PARD3: variants seen among roughly 807,000 people sequenced by gnomAD.
PARD3 encodes the protein par-3 family cell polarity regulator, also known as partitioning defective 3 homolog.
Under a neutral mutation model 155.4 loss-of-function variants are expected in PARD3, and 75 were observed. That is an observed-to-expected ratio of 0.48 (90% CI 0.40 to 0.58). The LOEUF (loss-of-function observed/expected upper bound fraction) is 0.58, where lower values mean the gene tolerates loss of function less well. PARD3 is among the 20% of genes least tolerant of loss of function. PARD3 has a pLI of 0.00. For synonymous variants in PARD3, 576 were observed against 610.5 expected, an observed-to-expected ratio of 0.94 and a Z score of 0.83; for missense variants, 1,642 against 1,721.7, an observed-to-expected ratio of 0.95 and a Z score of 0.82.
chr10:34,665,089 T>C (rs562941822), intron 2 of PARD3, among the ~76,000 whole-genome samples: 10 of 151,910 alleles, frequency 6.6e-5, no homozygotes, highest in African/African-American at 2.4e-4. Flanking sequence ...AATTACAAAG[T>C]TTTTTTTAAA....
At chr10:34,454,799 C>T (rs1469523289) in intron 4 of PARD3, among the ~76,000 whole-genome samples, 1 of 152,146 alleles carries the variant, frequency 6.6e-6, no homozygotes, top group Non-Finnish European at 1.5e-5. Context: ...AAATGTACTG[C>T]CACAGCATCA....
At chr10:34,265,954 T>C (rs1588990302) in intron 22 of PARD3, among the ~76,000 whole-genome samples, 1 of 152,106 alleles carries the variant, frequency 6.6e-6, no homozygotes, top group Non-Finnish European at 1.5e-5. Flanking sequence ...CAAACCCAAA[T>C]GAACCTGCCA....
At chr10:34,477,257 T>C (rs1482066802) in intron 3 of PARD3, among the ~76,000 whole-genome samples, 5 of 152,220 alleles carry the variant, frequency 3.3e-5, no homozygotes, top group Non-Finnish European at 7.3e-5. Flanking sequence ...TAAAATATGA[T>C]AAAACTTTCT....
At chr10:34,348,238 T>A in intron 14 of PARD3, 123 bp from the exon 15 acceptor site, 1 of 736,796 alleles carries the variant, frequency 1.4e-6, no homozygotes, top group Non-Finnish European at 2.0e-6. Context: ...GAACTAGAAC[T>A]TTTCACCCTG....
chr10:34,559,469 A>C (rs1313598716), intron 2 of PARD3, among the ~76,000 whole-genome samples: 4 of 152,000 alleles, frequency 2.6e-5, no homozygotes, highest in East Asian at 1.9e-4. Flanking sequence ...AAAAAAGAAA[A>C]GAAACTACAA....
chr10:34,761,254 T>C (rs1236331905), intron 1 of PARD3, among the ~76,000 whole-genome samples: 3 of 151,756 alleles, frequency 2.0e-5, no homozygotes, highest in African/African-American at 7.3e-5. Context: ...CTACTAAAAA[T>C]ACAAAAATTA....
At chr10:34,275,105 T>C (rs886146476) in intron 21 of PARD3, among the ~76,000 whole-genome samples, 1 of 152,190 alleles carries the variant, frequency 6.6e-6, no homozygotes, top group Non-Finnish European at 1.5e-5. Context: ...TTGTACATTA[T>C]GACTAATCGC....
rs535213489 is a variant in PARD3 at position 34,306,486 on chromosome 10, C to T, written c.3065+10621G>A. Among the ~76,000 whole-genome samples the T allele has an allele frequency of 1.2e-4, 18 of 152,036 alleles. 1 individual carries two copies. The South Asian group carries it at 3.3e-3, about 28-fold the overall frequency. Reference sequence around the variant, plus strand: ...CCAACATGGTGAAACCCCATCTCTACTAAAATTACAAAATTAGCCAGGTGT... The same window carrying T: ...CCAACATGGTGAAACCCCATCTCTATTAAAATTACAAAATTAGCCAGGTGT... On this transcript the variant is annotated intron_variant, in intron 20 of 24. Coordinates refer to ENST00000374788, the MANE Select transcript of PARD3 (RefSeq NM_001184785.2).
intron 22 of PARD3, among the ~76,000 whole-genome samples, chr10:34,244,537 A>T (rs1953816588): frequency 6.6e-6 from 1 of 152,220 alleles, no homozygotes; most frequent in African/African-American, 2.4e-5. Flanking sequence ...TCACCAAGAA[A>T]AAAATGCAAC....
chr10:34,446,736 T>C (rs2076758555), intron 5 of PARD3, among the ~76,000 whole-genome samples: 1 of 152,340 alleles, frequency 6.6e-6, no homozygotes, highest in East Asian at 1.9e-4. Flanking sequence ...TAACACTTAA[T>C]ATATGACAAA....
At chr10:34,375,112 T>C (rs1390948805) in intron 10 of PARD3, 110 bp from the exon 11 acceptor site, 1 of 797,144 alleles carries the variant, frequency 1.3e-6, no homozygotes, top group African/African-American at 1.8e-5. Flanking sequence ...ACTAGCCATA[T>C]CTGCTATGGA....
At chr10:34,698,889 A>T (rs994604607) in intron 1 of PARD3, among the ~76,000 whole-genome samples, 3 of 152,262 alleles carry the variant, frequency 2.0e-5, no homozygotes, top group South Asian at 2.1e-4. Context: ...AATTTTTTTT[A>T]AAAATTGTCT....
chr10:34,312,461 A>G (rs1957754324), intron 20 of PARD3: 11 of 1,402,328 alleles, frequency 7.8e-6, no homozygotes, highest in Non-Finnish European at 1.1e-5. Flanking sequence ...TTCTTTTCTC[A>G]AATGCCTAAG....
intron 22 of PARD3, among the ~76,000 whole-genome samples, chr10:34,202,349 A>G (rs1474946884): frequency 6.6e-6 from 1 of 152,264 alleles, no homozygotes; most frequent in African/African-American, 2.4e-5. Flanking sequence ...CTGGGATTAT[A>G]GGCATGAGGC....
chr10:34,570,961 GCAA>G (rs1376919745), intron 2 of PARD3, among the ~76,000 whole-genome samples: 2 of 152,088 alleles, frequency 1.3e-5, no homozygotes. Flanking sequence ...CTACTCTCCT[GCAA>G]CAACATGTGG....
intron 3 of PARD3, among the ~76,000 whole-genome samples, chr10:34,501,364 C>T (rs953807103): frequency 1.3e-5 from 2 of 152,122 alleles, no homozygotes; most frequent in Non-Finnish European, 2.9e-5. Context: ...CGTGCCTCCT[C>T]CCCCTTCAAC....
At chr10:34,452,204 A>G (rs1238405270) in intron 4 of PARD3, among the ~76,000 whole-genome samples, 2 of 152,204 alleles carry the variant, frequency 1.3e-5, no homozygotes, top group Non-Finnish European at 2.9e-5. Flanking sequence ...TATTACACCA[A>G]CTGCTTACTT....
chr10:34,501,011 G>T (rs2080663118), intron 3 of PARD3, among the ~76,000 whole-genome samples: 1 of 152,010 alleles, frequency 6.6e-6, no homozygotes, highest in Admixed American at 6.6e-5. Flanking sequence ...TAACTAATTT[G>T]TTACCACAGA....
chr10:34,525,194 A>G (rs1468476394), intron 2 of PARD3, among the ~76,000 whole-genome samples: 1 of 152,252 alleles, frequency 6.6e-6, no homozygotes, highest in Admixed American at 6.5e-5. Context: ...GCTACAGAAC[A>G]AGAATCTTAA....
Sources: allele counts gnomAD v4.1 joint callset (sites outside exome capture counted in the v4.1 genomes callset), GRCh38; gene constraint gnomAD v4.1.1; transcripts MANE v1.5; gene names NCBI Gene and HGNC (gene_info 2026-07-23, HGNC 2026-07-21).